The following NIM1K variants were observed in gnomAD, a reference collection of about 807,000 sequenced individuals.
NIM1K encodes the protein NIM1 serine/threonine protein kinase.
NIM1K carries 35 observed loss-of-function variants against 37.1 expected under a neutral mutation model. That is an observed-to-expected ratio of 0.94 (90% CI 0.72 to 1.25). The LOEUF is 1.25. Among genes scored for constraint, NIM1K ranks in the 50% most tolerant of loss-of-function variants. NIM1K has a pLI of 0.00. For missense variants in NIM1K, 564 were observed against 548.0 expected (o/e 1.03, Z -0.29); for synonymous variants, 234 against 206.6 (o/e 1.13, Z -1.14).
At chr5:43,272,990 T>C (rs1205408008) in intron 2 of NIM1K, among the ~76,000 whole-genome samples, 5 of 152,130 alleles carry the variant, frequency 3.3e-5, no homozygotes, top group African/African-American at 1.2e-4. Flanking sequence ...GTTTAAAGAA[T>C]GTGTTGCCCG....
At chr5:43,262,819 GGTT>G (rs1482900755) in intron 2 of NIM1K, among the ~76,000 whole-genome samples, 1 of 152,042 alleles carries the variant, frequency 6.6e-6, no homozygotes, top group Non-Finnish European at 1.5e-5. Context: ...TAGCATGAAG[GGTT>G]GTTGAATTTT....
chr5:43,272,481 C>T (rs539947622), intron 2 of NIM1K, among the ~76,000 whole-genome samples: 2 of 152,236 alleles, frequency 1.3e-5, no homozygotes, highest in South Asian at 4.1e-4. Context: ...TCTCCTTAGT[C>T]CTCTGGGTTC....
In NIM1K at chr5:43,209,884, G is replaced by A. The variant is rs190005157; in HGVS notation, c.-695+17473G>A. On this transcript the variant is annotated intron_variant, in intron 1 of 3. Coordinates refer to ENST00000326035, the MANE Select transcript of NIM1K (RefSeq NM_153361.4). ...TCCACCTGGGCCTCCCAAAGTGCTGGGATTACAGGCATAAGTCACCACACC... is the reference window on the plus strand; with the variant it reads ...TCCACCTGGGCCTCCCAAAGTGCTGAGATTACAGGCATAAGTCACCACACC... Among the ~76,000 whole-genome samples, 38 of 152,210 alleles carry A rather than the reference G, an allele frequency of 2.5e-4. 1 individual carries two copies. The highest frequency in any genetic ancestry group is 8.7e-4 in the African/African-American group (36 of 41,530).
At chr5:43,227,821 A>G (rs1752481530) in intron 1 of NIM1K, among the ~76,000 whole-genome samples, 1 of 152,132 alleles carries the variant, frequency 6.6e-6, no homozygotes. Context: ...TTTTTTCACA[A>G]ATGTTTTGGA....
At chr5:43,256,756 G>C (rs912086228) in intron 2 of NIM1K, among the ~76,000 whole-genome samples, 16 of 152,206 alleles carry the variant, frequency 1.1e-4, no homozygotes, top group Admixed American at 9.8e-4. Context: ...ACTGGTAGAA[G>C]TTAATGTATA....
chr5:43,231,822 T>G lies in NIM1K; in HGVS notation c.-694-13260T>G, dbSNP rs1175385303. ...TGTGACGTTTTCACTTTAGTATTCCTCTCTTTCTTCCTCACCTTCTCCTTC... is the reference window on the plus strand; with the variant it reads ...TGTGACGTTTTCACTTTAGTATTCCGCTCTTTCTTCCTCACCTTCTCCTTC... On this transcript the variant is annotated intron_variant, in intron 1 of 3. Transcript: ENST00000326035. 13 of 1,225,962 alleles carry G rather than the reference T, an allele frequency of 1.1e-5. No homozygotes were observed. In the Admixed American group the frequency reaches 2.4e-4, roughly 22 times the overall value. The allele number at this position is 1,225,962 out of a possible 1,614,324, so 75.9% of individuals were successfully genotyped here. A position where few individuals can be genotyped will look rare whatever the true frequency, so the allele number is the denominator to read the frequency against.
At chr5:43,237,946 T>C (rs1044157481) in intron 1 of NIM1K, among the ~76,000 whole-genome samples, 3 of 152,098 alleles carry the variant, frequency 2.0e-5, no homozygotes, top group Non-Finnish European at 2.9e-5. Context: ...TTCTAATAAT[T>C]AGATGTTGGA....
intron 2 of NIM1K, among the ~76,000 whole-genome samples, chr5:43,273,499 A>T (rs947969108): frequency 2.6e-5 from 4 of 152,056 alleles, no homozygotes; most frequent in Non-Finnish European, 5.9e-5. Flanking sequence ...GTGAGGCATC[A>T]CACCCGGCCC....
At chr5:43,216,922 A>G (rs34810824) in intron 1 of NIM1K, among the ~76,000 whole-genome samples, 6,594 of 152,278 alleles carry the variant, frequency 0.043, 169 homozygotes, top group Middle Eastern at 0.092. Context: ...CATGAAGTGA[A>G]TATTTTCTAG....
At chr5:43,243,987 T>C (rs1344004663) in intron 1 of NIM1K, among the ~76,000 whole-genome samples, 2 of 152,244 alleles carry the variant, frequency 1.3e-5, no homozygotes. Context: ...AAGCCTGTGT[T>C]CATCATCCTT....
intron 1 of NIM1K, among the ~76,000 whole-genome samples, chr5:43,197,034 C>T (rs898622993): frequency 4.7e-5 from 7 of 149,476 alleles, no homozygotes; most frequent in East Asian, 2.1e-4. Flanking sequence ...AATCCTCTCA[C>T]TTTGGCCTCC....
intron 1 of NIM1K, among the ~76,000 whole-genome samples, chr5:43,230,026 T>C (rs904047178): frequency 6.6e-5 from 10 of 151,984 alleles, no homozygotes; most frequent in African/African-American, 2.2e-4. Flanking sequence ...CAATTACATA[T>C]AAATTTCAAG....
intron 1 of NIM1K, among the ~76,000 whole-genome samples, chr5:43,234,523 T>C (rs1198086570): frequency 6.6e-6 from 1 of 152,182 alleles, no homozygotes; most frequent in Non-Finnish European, 1.5e-5. Flanking sequence ...GCATGGTACT[T>C]CATGCCTGTA....
chr5:43,280,162 C>T lies in NIM1K; in HGVS notation c.744C>T (p.Ile248=), dbSNP rs760877811. 3 of 1,614,164 alleles carry T rather than the reference C, an allele frequency of 1.9e-6. No homozygotes were observed. Among genetic ancestry groups the T allele is most frequent in the Non-Finnish European group, 2.5e-6 (3 of 1,180,024 alleles). ...AACTCTTCCGGGACGAGCACTACAT[C>T]GGCATTTACGTGGATATCTGGGCCT... ...APELFRDEHY[I]GIYVDIWALG... Residue 248 remains isoleucine, a synonymous_variant, in exon 4 of 4, where the codon ATC becomes ATT. Coordinates refer to ENST00000326035, the MANE Select transcript of NIM1K (RefSeq NM_153361.4).
intron 1 of NIM1K, among the ~76,000 whole-genome samples, chr5:43,194,053 A>G (rs1751875521): frequency 6.6e-6 from 1 of 152,202 alleles, no homozygotes; most frequent in Non-Finnish European, 1.5e-5. Flanking sequence ...AAATGAGAGT[A>G]AACACTGCCC....
At chr5:43,246,444 A>ACCAAGCCACCTCATCTC (rs1019517807) in intron 2 of NIM1K, among the ~76,000 whole-genome samples, 14 of 151,684 alleles carry the variant, frequency 9.2e-5, no homozygotes, top group East Asian at 1.9e-4. Flanking sequence ...GTGGCTTGGA[A>ACCAAGCCACCTCATCTC]CCAAGCCACC....
At chr5:43,269,900 G>A (rs1753229870) in intron 2 of NIM1K, among the ~76,000 whole-genome samples, 1 of 152,178 alleles carries the variant, frequency 6.6e-6, no homozygotes, top group South Asian at 2.1e-4. Flanking sequence ...TTACAGGTGT[G>A]AGCCACCGTG....
intron 1 of NIM1K, chr5:43,233,285 T>G: frequency 2.1e-6 from 1 of 483,720 alleles, no homozygotes; most frequent in Admixed American, 3.6e-5. Flanking sequence ...TTATTTTCTT[T>G]CCTTCTTCTA....
At chr5:43,219,827 A>T (rs1454251584) in intron 1 of NIM1K, among the ~76,000 whole-genome samples, 1 of 94,292 alleles carries the variant, frequency 1.1e-5, no homozygotes, top group African/African-American at 4.0e-5. Flanking sequence ...GGTTCAAGCG[A>T]TTCTCCTGCC....
Sources: gnomAD v4.1 joint callset for allele counts (sites outside exome capture counted in the v4.1 genomes callset) on GRCh38, gnomAD v4.1.1 for gene constraint, MANE v1.5 for transcripts, NCBI Gene and HGNC (gene_info 2026-07-23, HGNC 2026-07-21) for gene names.